CSMD3: variants seen among roughly 807,000 people sequenced by gnomAD.
CSMD3 encodes the protein CUB and Sushi multiple domains 3.
CSMD3 carries 177 observed loss-of-function variants against 435.2 expected under a neutral mutation model. That is an observed-to-expected ratio of 0.41 (90% CI 0.36 to 0.46). The LOEUF (loss-of-function observed/expected upper bound fraction) is 0.46, where lower values mean the gene tolerates loss of function less well. Among genes scored for constraint, CSMD3 ranks in the 20% least tolerant of loss-of-function variants. The pLI is 0.34. For synonymous variants in CSMD3, 1,656 were observed against 1,520.5 expected, an observed-to-expected ratio of 1.09 and a Z score of -2.07; for missense variants, 4,265 against 4,504.6, an observed-to-expected ratio of 0.95 and a Z score of 1.52.
intron 13 of CSMD3, among the ~76,000 whole-genome samples, chr8:112,752,902 T>TG (rs1454448843): frequency 3.0e-4 from 2 of 6,634 alleles, no homozygotes; most frequent in Non-Finnish European, 4.7e-4. Context: ...TGTTACCGCG[T>TG]GTGTGTGTGT....
chr8:113,360,606 C>T (rs991148767), intron 1 of CSMD3, among the ~76,000 whole-genome samples: 2 of 136,626 alleles, frequency 1.5e-5, no homozygotes, highest in African/African-American at 2.9e-5. Flanking sequence ...CGGAGTCTCG[C>T]TCTGTCGCCC....
chr8:113,279,405 A>G (rs893488303), intron 2 of CSMD3, among the ~76,000 whole-genome samples: 3 of 151,538 alleles, frequency 2.0e-5, no homozygotes, highest in Non-Finnish European at 4.4e-5. Context: ...TGAACTATTA[A>G]TGTGTACATT....
chr8:113,310,821 A>G (rs1475520340), intron 2 of CSMD3: 1 of 151,934 alleles, frequency 6.6e-6, no homozygotes, highest in Non-Finnish European at 1.5e-5. Flanking sequence ...TAAGGATGCT[A>G]ATACGTGAAT....
intron 22 of CSMD3, among the ~76,000 whole-genome samples, chr8:112,636,169 A>C (rs1351847468): frequency 6.6e-6 from 1 of 152,094 alleles, no homozygotes; most frequent in Non-Finnish European, 1.5e-5. Context: ...TTTATCAGTC[A>C]AAATATTTAC....
At chr8:112,516,972 A>C (rs1478704715) in intron 28 of CSMD3, 62 bp downstream of exon 28, 1 of 1,278,432 alleles carries the variant, frequency 7.8e-7, no homozygotes, top group East Asian at 2.4e-5. Context: ...CTTAAGAACA[A>C]TACCAGTTTT....
intron 4 of CSMD3, among the ~76,000 whole-genome samples, chr8:113,112,963 G>A (rs904933152): frequency 6.6e-6 from 1 of 152,146 alleles, no homozygotes; most frequent in African/African-American, 2.4e-5. Flanking sequence ...TAACATGGGG[G>A]CCTTCCCTTA....
At chr8:112,551,436 G>C (rs1472889780) in intron 26 of CSMD3, among the ~76,000 whole-genome samples, 2 of 151,832 alleles carry the variant, frequency 1.3e-5, no homozygotes, top group South Asian at 2.1e-4. Context: ...AATTAGAATC[G>C]GGTGCTTTTT....
chr8:112,451,020 T>C (rs931624030), intron 32 of CSMD3, among the ~76,000 whole-genome samples: 1 of 152,164 alleles, frequency 6.6e-6, no homozygotes, highest in Admixed American at 6.5e-5. Flanking sequence ...TAGAAATGGT[T>C]AAATAAACAT....
intron 35 of CSMD3, among the ~76,000 whole-genome samples, chr8:112,395,298 C>T (rs1322057821): frequency 6.6e-6 from 1 of 152,040 alleles, no homozygotes. Context: ...ATTATATCTA[C>T]CTTCCAAAGT....
chr8:112,760,090 T>C (rs1419423496), intron 13 of CSMD3, among the ~76,000 whole-genome samples: 2 of 152,118 alleles, frequency 1.3e-5, no homozygotes, highest in East Asian at 1.9e-4. Flanking sequence ...ATTGCATTCA[T>C]TGCCACCACA....
intron 3 of CSMD3, among the ~76,000 whole-genome samples, chr8:113,265,052 A>G (rs573827827): frequency 3.3e-5 from 5 of 151,768 alleles, no homozygotes; most frequent in African/African-American, 1.2e-4. Flanking sequence ...ACTGTGAGTG[A>G]AAAATCCAAA....
At chr8:112,668,331 G>T (rs1055273943) in intron 16 of CSMD3, among the ~76,000 whole-genome samples, 10 of 152,008 alleles carry the variant, frequency 6.6e-5, no homozygotes, top group Non-Finnish European at 1.0e-4. Context: ...GTGACAGAAA[G>T]CCCCAAAATA....
chr8:112,823,101 T>C (rs371864423), intron 12 of CSMD3, among the ~76,000 whole-genome samples: 3 of 152,142 alleles, frequency 2.0e-5, no homozygotes, highest in East Asian at 1.9e-4. Flanking sequence ...TTTTCTTTTG[T>C]TGTTGTGTCT....
chr8:112,362,503 G>T (rs2131126709), intron 38 of CSMD3, among the ~76,000 whole-genome samples: 1 of 152,050 alleles, frequency 6.6e-6, no homozygotes, highest in African/African-American at 2.4e-5. Flanking sequence ...TAAGTTAAAT[G>T]AACAAAAAGT....
chr8:112,950,894 A>G (rs918725102), intron 8 of CSMD3, among the ~76,000 whole-genome samples: 1 of 151,948 alleles, frequency 6.6e-6, no homozygotes, highest in Non-Finnish European at 1.5e-5. Context: ...GAGCATGTGT[A>G]TAATTTCACC....
intron 1 of CSMD3, among the ~76,000 whole-genome samples, chr8:113,404,431 T>C (rs2094523615): frequency 6.6e-6 from 1 of 151,376 alleles, no homozygotes; most frequent in Non-Finnish European, 1.5e-5. Flanking sequence ...GACTTTAAAT[T>C]CCTTGAAGTT....
chr8:112,988,311 C>T (rs1411288497), intron 6 of CSMD3, among the ~76,000 whole-genome samples: 2 of 152,060 alleles, frequency 1.3e-5, no homozygotes, highest in Non-Finnish European at 1.5e-5. Flanking sequence ...CTTGCCTATC[C>T]ACATCTGTGG....
At chr8:113,401,752 T>C (rs887192774) in intron 1 of CSMD3, among the ~76,000 whole-genome samples, 13 of 151,666 alleles carry the variant, frequency 8.6e-5, no homozygotes, top group African/African-American at 2.9e-4. Flanking sequence ...ACCACATATA[T>C]ACCTGTAGTC....
At chr8:112,454,137 A>C (rs1032316900) in intron 32 of CSMD3, among the ~76,000 whole-genome samples, 1 of 152,226 alleles carries the variant, frequency 6.6e-6, no homozygotes, top group African/African-American at 2.4e-5. Flanking sequence ...ACGTCAAACT[A>C]TAAAAATCCT....
Sources: allele counts gnomAD v4.1 joint callset (sites outside exome capture counted in the v4.1 genomes callset), GRCh38; gene constraint gnomAD v4.1.1; transcripts MANE v1.5; gene names NCBI Gene and HGNC (gene_info 2026-07-23, HGNC 2026-07-21).